The following MYBPC1 variants were observed in gnomAD, a reference collection of about 807,000 sequenced individuals.
MYBPC1 encodes myosin binding protein C1.
Under a neutral mutation model 147.1 loss-of-function variants are expected in MYBPC1, and 52 were observed. The ratio of observed to expected loss-of-function variants is 0.35; its 90% CI spans 0.28 to 0.45. The LOEUF (loss-of-function observed/expected upper bound fraction) is 0.45. Among genes scored for constraint, MYBPC1 ranks in the 20% least tolerant of loss-of-function variants. The pLI, the probability that MYBPC1 is intolerant of heterozygous loss-of-function variation, is 1.00. For missense variants in MYBPC1, 1,228 were observed against 1,440.3 expected (o/e 0.85, Z 2.39); for synonymous variants, 477 against 475.9 (o/e 1.00, Z -0.03).
chr12:101,652,214 G>T (rs1458293290), intron 16 of MYBPC1, among the ~76,000 whole-genome samples: 2 of 152,230 alleles, frequency 1.3e-5, no homozygotes, highest in Non-Finnish European at 2.9e-5. Flanking sequence ...AATACATACT[G>T]TTTACACAGA....
downstream of MYBPC1, among the ~76,000 whole-genome samples, chr12:101,690,950 A>T (rs1265948769): frequency 2.0e-5 from 3 of 152,220 alleles, no homozygotes; most frequent in Admixed American, 2.0e-4. Flanking sequence ...ATACCATAAA[A>T]CTATGCTTAT....
Position 101,651,404 on chromosome 12 carries a change from C to T in MYBPC1, c.1526+11C>T. ...GGTTCACAAGGGAAGGTAAGCGAGC[C>T]AGGTGACCCGCAAGTGAGGTTTGGT... On this transcript the variant is annotated intron_variant, in intron 16 of 31. Transcript: ENST00000361466. The T allele has an allele frequency of 6.2e-7, 1 of 1,613,886 alleles. No homozygotes were observed. Among genetic ancestry groups the T allele is most frequent in the East Asian group, 2.2e-5 (1 of 44,870 alleles).
chr12:101,602,022 C>T (rs1880219351), intron 1 of MYBPC1, among the ~76,000 whole-genome samples: 1 of 152,120 alleles, frequency 6.6e-6, no homozygotes, highest in African/African-American at 2.4e-5. Flanking sequence ...CATTATTAAA[C>T]ATGGTGACAT....
chr12:101,687,047 A>G (rs925028366), downstream of MYBPC1, among the ~76,000 whole-genome samples: 7 of 151,942 alleles, frequency 4.6e-5, no homozygotes, highest in East Asian at 5.8e-4. Flanking sequence ...TTTTATTTTT[A>G]TTGCTATAAC....
intron 25 of MYBPC1, 28 bp from the exon 26 acceptor site, chr12:101,675,264 G>T (rs774563369): frequency 6.6e-5 from 107 of 1,613,494 alleles, no homozygotes; most frequent in Non-Finnish European, 8.6e-5. Context: ...AAGTGACCTT[G>T]CAGTGACACC....
chr12:101,608,682 A>G (rs529575196), intron 1 of MYBPC1, among the ~76,000 whole-genome samples: 10 of 152,346 alleles, frequency 6.6e-5, no homozygotes, highest in African/African-American at 2.4e-4. Flanking sequence ...CCTCGACACA[A>G]GTTGCTTTGC....
chr12:101,599,957 G>A (rs1879179133), intron 1 of MYBPC1, among the ~76,000 whole-genome samples: 1 of 152,142 alleles, frequency 6.6e-6, no homozygotes, highest in Admixed American at 6.6e-5. Context: ...TTTTTCAGTA[G>A]CCTGCTTTTA....
intron 10 of MYBPC1, among the ~76,000 whole-genome samples, chr12:101,639,669 A>G (rs1891649047): frequency 6.6e-6 from 1 of 152,190 alleles, no homozygotes; most frequent in Non-Finnish European, 1.5e-5. Context: ...TGACTCAGGA[A>G]ATCACACTCA....
intron 1 of MYBPC1, among the ~76,000 whole-genome samples, chr12:101,603,608 C>T (rs992495973): frequency 4.6e-5 from 7 of 152,022 alleles, no homozygotes; most frequent in African/African-American, 1.7e-4. Context: ...TGGAGCAAGG[C>T]CTTTAAGAAA....
chr12:101,607,925 G>A (rs1424875221), intron 1 of MYBPC1, among the ~76,000 whole-genome samples: 1 of 152,148 alleles, frequency 6.6e-6, no homozygotes, highest in East Asian at 1.9e-4. Flanking sequence ...AATAGAAATG[G>A]ACTCCATTGG....
At chr12:101,610,724 T>C (rs757893248) in intron 1 of MYBPC1, among the ~76,000 whole-genome samples, 10 of 152,162 alleles carry the variant, frequency 6.6e-5, no homozygotes, top group Non-Finnish European at 1.0e-4. Flanking sequence ...AACATCCATA[T>C]GAGGTTATGT....
chr12:101,651,497 G>A, intron 16 of MYBPC1, 104 bp downstream of exon 16: 1 of 1,454,574 alleles, frequency 6.9e-7, no homozygotes, highest in South Asian at 1.2e-5. Flanking sequence ...TAGCCATAGG[G>A]AGATCATCTA....
At chr12:101,629,247 C>T in intron 5 of MYBPC1, 187 bp from the exon 6 acceptor site, 1 of 628,898 alleles carries the variant, frequency 1.6e-6, no homozygotes, top group Non-Finnish European at 2.9e-6. Flanking sequence ...AAGAGATACC[C>T]CTGTAAGAAT....
At chr12:101,619,162 C>G (rs554680899) in intron 3 of MYBPC1, among the ~76,000 whole-genome samples, 10 of 151,990 alleles carry the variant, frequency 6.6e-5, no homozygotes, top group Non-Finnish European at 7.4e-5. Flanking sequence ...ATGGGTGCAA[C>G]CTACCTTTTC....
the MYBPC1 span, among the ~76,000 whole-genome samples, chr12:101,694,307 A>C: frequency 6.6e-6 from 1 of 152,220 alleles, no homozygotes; most frequent in Admixed American, 6.5e-5. Context: ...GGAGCTGCAA[A>C]GTGCAGTCAC....
the MYBPC1 span, among the ~76,000 whole-genome samples, chr12:101,693,863 G>A: frequency 6.5e-4 from 99 of 152,314 alleles, no homozygotes; most frequent in African/African-American, 2.3e-3. Flanking sequence ...CCAGGCTCTG[G>A]CCAATGGGAT....
intron 3 of MYBPC1, among the ~76,000 whole-genome samples, chr12:101,617,765 T>C (rs2135871007): frequency 6.6e-6 from 1 of 152,358 alleles, no homozygotes; most frequent in Non-Finnish European, 1.5e-5. Context: ...TGCCCCTTCT[T>C]GAACTGGAAA....
intron 20 of MYBPC1, 42 bp downstream of exon 20, chr12:101,661,304 T>A (rs1400839788): frequency 7.8e-7 from 1 of 1,288,262 alleles, no homozygotes; most frequent in African/African-American, 1.5e-5. Flanking sequence ...CCAGTACAGT[T>A]GTGTCCTCTT....
rs2136094839 is a variant in MYBPC1, at chr12:101,634,578, T to C, written c.581T>C (p.Ile194Thr). ...VHESTGTTPN[I>T]DIRSAFKRSG... Reference sequence around the variant, plus strand: ...GAATCTACTGGGACTACTCCAAACATTGACATCAGATCTGCTTTCAAGAGA... The same window carrying C: ...GAATCTACTGGGACTACTCCAAACACTGACATCAGATCTGCTTTCAAGAGA... Residue 194 changes from isoleucine to threonine, a missense_variant, in exon 9 of 32, where the codon ATT (isoleucine) becomes ACT (threonine). Around this residue, in one of 2 missense-constraint regions of MYBPC1, gnomAD observed 1,077 missense variants for 1,314.2 expected, o/e 0.82. Coordinates refer to ENST00000361466, the MANE Select transcript of MYBPC1 (RefSeq NM_002465.4). 1 of 1,613,324 alleles carries C rather than the reference T, an allele frequency of 6.2e-7. No homozygotes were observed. Among genetic ancestry groups the C allele is most frequent in the Non-Finnish European group, 8.5e-7 (1 of 1,179,316 alleles).
Sources: allele counts gnomAD v4.1 joint callset (sites outside exome capture counted in the v4.1 genomes callset), GRCh38; gene constraint gnomAD v4.1.1; regional missense constraint gnomAD v4.1.1; transcripts MANE v1.5; gene names NCBI Gene and HGNC (gene_info 2026-07-23, HGNC 2026-07-21).